TNIK: variants seen among roughly 807,000 people sequenced by gnomAD.
TNIK encodes the protein TRAF2 and NCK-interacting protein kinase.
In TNIK, 49 loss-of-function variants were observed where a neutral mutation model predicts 191.3. The ratio of observed to expected loss-of-function variants is 0.26; its 90% confidence interval spans 0.20 to 0.32. TNIK has a LOEUF of 0.32. Ranked by LOEUF, TNIK falls within the 10% of genes least tolerant of loss-of-function variation. The pLI is 1.00. For missense variants in TNIK, 1,155 were observed against 1,702.3 expected (o/e 0.68, Z 5.66); for synonymous variants, 594 against 600.9 (o/e 0.99, Z 0.17).
intron 18 of TNIK, among the ~76,000 whole-genome samples, chr3:171,117,783 A>G (rs1726977752): frequency 6.6e-6 from 1 of 152,138 alleles, no homozygotes; most frequent in Non-Finnish European, 1.5e-5. Context: ...ATCCTGGCTA[A>G]CAGGGTGAAA....
chr3:171,261,232 C>G (rs1024588888), intron 2 of TNIK, among the ~76,000 whole-genome samples: 7 of 152,216 alleles, frequency 4.6e-5, no homozygotes, highest in African/African-American at 1.7e-4. Context: ...CTATACTATG[C>G]CACATCTTTA....
chr3:171,370,048 G>A (rs1231292457), intron 1 of TNIK, among the ~76,000 whole-genome samples: 1 of 152,202 alleles, frequency 6.6e-6, no homozygotes, highest in Non-Finnish European at 1.5e-5. Context: ...TCCTGAGAAG[G>A]TTCTAATGTT....
chr3:171,093,071 C>T (rs764514033), intron 23 of TNIK, among the ~76,000 whole-genome samples: 38 of 152,322 alleles, frequency 2.5e-4, no homozygotes, highest in Non-Finnish European at 2.9e-4. Context: ...GGTCAGGTAA[C>T]ATTTGCCCAA....
intron 2 of TNIK, among the ~76,000 whole-genome samples, chr3:171,300,800 AGAT>A (rs1238697016): frequency 3.9e-5 from 6 of 152,212 alleles, no homozygotes; most frequent in African/African-American, 1.4e-4. Context: ...AAGGGCACAA[AGAT>A]GAATAGGACA....
intron 7 of TNIK, among the ~76,000 whole-genome samples, chr3:171,179,663 G>A (rs887976530): frequency 1.3e-5 from 2 of 152,028 alleles, no homozygotes; most frequent in African/African-American, 4.8e-5. Flanking sequence ...TGTTAGTCAG[G>A]ATGGTCTTGA....
intron 4 of TNIK, among the ~76,000 whole-genome samples, chr3:171,195,337 C>A (rs1394865638): frequency 6.6e-6 from 1 of 152,198 alleles, no homozygotes; most frequent in Non-Finnish European, 1.5e-5. Flanking sequence ...CTTTTACATG[C>A]ATTTTCTAGG....
At chr3:171,247,445 GGGTAAGAGT>G (rs1745718040) in intron 2 of TNIK, among the ~76,000 whole-genome samples, 1 of 152,220 alleles carries the variant, frequency 6.6e-6, no homozygotes, top group Admixed American at 6.5e-5. Flanking sequence ...CAATCTAGGT[GGGTAAGAGT>G]GCCATTCTTT....
chr3:171,332,788 A>C (rs999586981), intron 2 of TNIK, among the ~76,000 whole-genome samples: 1 of 152,266 alleles, frequency 6.6e-6, no homozygotes, highest in African/African-American at 2.4e-5. Context: ...AGCTTTTACC[A>C]AGAACTGAAG....
At chr3:171,224,981 T>C (rs1742796846) in intron 3 of TNIK, among the ~76,000 whole-genome samples, 1 of 152,186 alleles carries the variant, frequency 6.6e-6, no homozygotes, top group Admixed American at 6.6e-5. Flanking sequence ...AAGGAAGTGA[T>C]ATAGAATAAA....
At chr3:171,347,570 T>C (rs1175235000) in intron 2 of TNIK, among the ~76,000 whole-genome samples, 1 of 152,170 alleles carries the variant, frequency 6.6e-6, no homozygotes, top group Non-Finnish European at 1.5e-5. Context: ...GGATTTTCTT[T>C]TCAAGAGAGC....
rs141867597 is a variant in TNIK, at chr3:171,362,822, G to A, written c.123+6798C>T. Among the ~76,000 whole-genome samples, 158 of 152,238 alleles carry A rather than the reference G, an allele frequency of 1.0e-3. 1 individual carries two copies. In the East Asian group the frequency reaches 0.027, roughly 26 times the overall value. On this transcript the variant is annotated intron_variant, in intron 2 of 32. Transcript: ENST00000436636. ...CCAGCTCAGGCAGTCCTGCTCCAAA[G>A]TCCTTTTCATTATACTCTTTCCACT...
chr3:171,165,910 C>T (rs1734558681), intron 10 of TNIK, among the ~76,000 whole-genome samples: 1 of 152,184 alleles, frequency 6.6e-6, no homozygotes, highest in African/African-American at 2.4e-5. Context: ...TCTAACTTGC[C>T]CTACCTCAGC....
rs143737083 is a variant in TNIK at position 171,242,660 on chromosome 3, T to G, written c.124-14439A>C. Reference sequence around the variant, plus strand: ...AAAATAACTGAATTGCTGGATTTAGTCATTAAAATATACCTCATGATATCC... The same window carrying G: ...AAAATAACTGAATTGCTGGATTTAGGCATTAAAATATACCTCATGATATCC... On this transcript the variant is annotated intron_variant, in intron 2 of 32. Transcript: ENST00000436636. Among the ~76,000 whole-genome samples, 9 of 152,302 alleles carry G rather than the reference T, an allele frequency of 5.9e-5. No individual in the cohort carries two copies. In the East Asian group the frequency reaches 1.7e-3, roughly 29 times the overall value.
chr3:171,303,327 A>G (rs900124623), intron 2 of TNIK, among the ~76,000 whole-genome samples: 2 of 152,192 alleles, frequency 1.3e-5, no homozygotes, highest in Non-Finnish European at 2.9e-5. Flanking sequence ...CAGACTCTAA[A>G]TGGCCTAATA....
At chr3:171,345,229 T>C (rs1266611450) in intron 2 of TNIK, among the ~76,000 whole-genome samples, 1 of 152,194 alleles carries the variant, frequency 6.6e-6, no homozygotes, top group African/African-American at 2.4e-5. Flanking sequence ...GAACAGGAGC[T>C]ATTTCCTTTT....
intron 1 of TNIK, among the ~76,000 whole-genome samples, chr3:171,449,455 T>A (rs1577978028): frequency 6.6e-6 from 1 of 152,088 alleles, no homozygotes. Context: ...AAATTCCCCA[T>A]GAAAAAGAGT....
At chr3:171,405,557 T>A (rs1721560529) in intron 1 of TNIK, among the ~76,000 whole-genome samples, 1 of 147,970 alleles carries the variant, frequency 6.8e-6, no homozygotes, top group African/African-American at 2.5e-5. Context: ...ACACACCGAG[T>A]TAAACAACAG....
chr3:171,373,342 A>G (rs969085123), intron 1 of TNIK, among the ~76,000 whole-genome samples: 8 of 151,938 alleles, frequency 5.3e-5, no homozygotes, highest in African/African-American at 1.9e-4. Context: ...TCTCTCACAG[A>G]TTCTATAATA....
chr3:171,142,592 G>A (rs549017748), intron 12 of TNIK, among the ~76,000 whole-genome samples: 31 of 152,360 alleles, frequency 2.0e-4, no homozygotes, highest in Admixed American at 2.0e-3. Flanking sequence ...GAGAAGAGCA[G>A]GAAAAGTAGG....
Sources: allele counts gnomAD v4.1 joint callset (sites outside exome capture counted in the v4.1 genomes callset), GRCh38; gene constraint gnomAD v4.1.1; transcripts MANE v1.5; gene names NCBI Gene and HGNC (gene_info 2026-07-23, HGNC 2026-07-21).